CAPN5: variants seen among roughly 807,000 people sequenced by gnomAD.
CAPN5 encodes calpain 5, also known as calpain-5.
CAPN5 carries 54 observed loss-of-function variants against 73.0 expected under a neutral mutation model. The observed-to-expected ratio is 0.74, with a 90% CI of 0.59 to 0.93. CAPN5 has a LOEUF of 0.93. Among genes scored for constraint, CAPN5 ranks in the 40% least tolerant of loss-of-function variants. CAPN5 has a pLI of 0.00. For missense variants in CAPN5, 785 were observed against 882.9 expected (o/e 0.89, Z 1.41); for synonymous variants, 335 against 356.9 (o/e 0.94, Z 0.69).
chr11:77,087,801 G>A, intron 2 of CAPN5: 1 of 1,153,458 alleles, frequency 8.7e-7, no homozygotes, highest in Non-Finnish European at 1.2e-6. Flanking sequence ...TGGGGACCTA[G>A]AGCCACCTTG....
intron 3 of CAPN5, among the ~76,000 whole-genome samples, 155 bp downstream of exon 3, chr11:77,093,968 G>A (rs148806815): frequency 7.2e-5 from 11 of 152,344 alleles, no homozygotes; most frequent in South Asian, 2.1e-4. Context: ...GCCGAGCGTC[G>A]GAATTGCCAT....
chr11:77,111,862 AAG>A (rs1309825027), intron 3 of CAPN5, among the ~76,000 whole-genome samples: 1 of 152,122 alleles, frequency 6.6e-6, no homozygotes, highest in Non-Finnish European at 1.5e-5. Context: ...TTCCTGGAGA[AAG>A]AGGATGGACA....
Position 77,122,582 on chromosome 11 carries a change from A to C in CAPN5, c.1610A>C (p.Asn537Thr). The C allele has an allele frequency of 1.2e-6, 2 of 1,610,518 alleles. No homozygotes were observed. Among genetic ancestry groups the C allele is most frequent in the Non-Finnish European group, 1.7e-6 (2 of 1,178,544 alleles). ...AGLKDSPTGA[N>T]SYVIIKCEGD... ...TCCCACTCCCTCTCCCTAGGGGCTA[A>C]CTCTTATGTGATCATCAAGTGTGAG... The change falls in exon 12 of 13, where the codon AAC becomes ACC. Residue 537 changes from asparagine (N) to threonine (T), a missense_variant. Transcript: ENST00000648180.
chr11:77,072,899 T>TGTG (rs1949925104), intron 1 of CAPN5: 1 of 346,268 alleles, frequency 2.9e-6, no homozygotes, highest in African/African-American at 2.2e-5. Flanking sequence ...CACGAGAGCC[T>TGTG]GTGGCCAGAG....
At chr11:77,087,979 G>C (rs1212885920) in intron 2 of CAPN5, 36 of 1,535,378 alleles carry the variant, frequency 2.3e-5, no homozygotes, top group Non-Finnish European at 3.1e-5. Flanking sequence ...AGGCCTGGCT[G>C]GGGAGATGCA....
chr11:77,122,472 C>A, intron 11 of CAPN5, 104 bp from the exon 12 acceptor site: 1 of 1,000,654 alleles, frequency 1.0e-6, no homozygotes, highest in Non-Finnish European at 1.5e-6. Flanking sequence ...CCAGTCTCTC[C>A]ATCTGAATAA....
chr11:77,118,134 G>A, intron 7 of CAPN5, 23 bp from the exon 8 acceptor site: 1 of 1,598,812 alleles, frequency 6.3e-7, no homozygotes. Context: ...GAGGTACCCT[G>A]CTCAGCCCCT....
rs1197353723 is a variant in CAPN5, at chr11:77,115,470, G to T, written c.775G>T (p.Val259Leu). ...VKGHAYAVTD[V>L]RKVRLGHGLL... Reference sequence around the variant, plus strand: ...GGGCCACGCATACGCCGTCACTGATGTGCGCAAGGTGCGCCTGGGCCACGG... The same window carrying T: ...GGGCCACGCATACGCCGTCACTGATTTGCGCAAGGTGCGCCTGGGCCACGG... Residue 259 changes from valine (V) to leucine (L), a missense_variant, in exon 6 of 13, where the codon GTG becomes TTG. Val to Leu is a conservative substitution (Grantham distance 32). Coordinates refer to ENST00000648180, the MANE Select transcript of CAPN5 (RefSeq NM_004055.5). The T allele has an allele frequency of 1.2e-6, 2 of 1,613,078 alleles. No individual in the cohort carries two copies. The highest frequency in any genetic ancestry group is 1.7e-6 in the Non-Finnish European group (2 of 1,179,924).
rs200573197 is a variant in CAPN5 at position 77,095,396 on chromosome 11, GC to G, written c.297+1589del. Among the ~76,000 whole-genome samples the G allele has an allele frequency of 2.8e-3, 427 of 152,236 alleles. 3 individuals carry two copies. The highest frequency in any genetic ancestry group is 9.7e-3 in the African/African-American group (403 of 41,540). On this transcript the variant is annotated intron_variant, in intron 3 of 12. Coordinates refer to ENST00000648180, the MANE Select transcript of CAPN5 (RefSeq NM_004055.5). ...GGGCACATGGGCATTCTGTAGGGCTGCCCCCCACCTCCCACTTTGCCCTGCA... is the reference window on the plus strand; with the variant it reads ...GGGCACATGGGCATTCTGTAGGGCTGCCCCCACCTCCCACTTTGCCCTGCA...
chr11:77,077,522 T>G (rs1445540399), intron 1 of CAPN5, among the ~76,000 whole-genome samples: 1 of 144,634 alleles, frequency 6.9e-6, no homozygotes, highest in African/African-American at 2.9e-5. Context: ...ATGTTGAGCT[T>G]TTTAATTTTT....
chr11:77,112,468 G>C (rs925868505), intron 3 of CAPN5, 121 bp from the exon 4 acceptor site: 10 of 753,206 alleles, frequency 1.3e-5, no homozygotes, highest in Non-Finnish European at 2.0e-5. Flanking sequence ...GGCAGAGTTG[G>C]AATCCGAACC....
chr11:77,120,653 G>T, intron 9 of CAPN5, 60 bp from the exon 10 acceptor site: 1 of 1,178,086 alleles, frequency 8.5e-7, no homozygotes. Context: ...GGGAGGCGGG[G>T]TGGGCCAGGG....
At chr11:77,081,786 A>C (rs1485564453) in intron 1 of CAPN5, among the ~76,000 whole-genome samples, 1 of 152,070 alleles carries the variant, frequency 6.6e-6, no homozygotes, top group African/African-American at 2.4e-5. Flanking sequence ...CCCAGCTGTC[A>C]GGGAGGGGAG....
At chr11:77,105,315 C>G (rs781812961) in intron 3 of CAPN5, among the ~76,000 whole-genome samples, 2 of 152,162 alleles carry the variant, frequency 1.3e-5, no homozygotes, top group East Asian at 1.9e-4. Context: ...GCCCTTGCCA[C>G]CTTCCAAGGA....
chr11:77,103,265 C>G (rs373450635), intron 3 of CAPN5: 4 of 1,613,238 alleles, frequency 2.5e-6, no homozygotes, highest in Non-Finnish European at 3.4e-6. Flanking sequence ...TGTACTTCCT[C>G]GTCACCTTTG....
At chr11:77,088,012 G>A in intron 2 of CAPN5, 2 of 1,536,032 alleles carry the variant, frequency 1.3e-6, no homozygotes, top group South Asian at 2.4e-5. Flanking sequence ...AATGTCCCCA[G>A]GCCTGGGAGC....
chr11:77,085,140 G>A, intron 2 of CAPN5, 89 bp downstream of exon 2: 1 of 1,168,364 alleles, frequency 8.6e-7, no homozygotes, highest in Non-Finnish European at 1.2e-6. Context: ...GTGGTGGGAG[G>A]AGGCATCCCT....
intron 3 of CAPN5, among the ~76,000 whole-genome samples, chr11:77,100,811 T>G (rs1422098637): frequency 6.6e-6 from 1 of 152,224 alleles, no homozygotes; most frequent in Non-Finnish European, 1.5e-5. Flanking sequence ...TCCATGTGGC[T>G]AACGTCCTGC....
chr11:77,116,390 A>T, intron 7 of CAPN5, 87 bp downstream of exon 7: 1 of 983,332 alleles, frequency 1.0e-6, no homozygotes, highest in Non-Finnish European at 1.6e-6. Context: ...GTCAGGAGCC[A>T]GGCCTCTCCT....
Sources: allele counts gnomAD v4.1 joint callset (sites outside exome capture counted in the v4.1 genomes callset), GRCh38; gene constraint gnomAD v4.1.1; transcripts MANE v1.5; gene names NCBI Gene and HGNC (gene_info 2026-07-23, HGNC 2026-07-21).